Variants in HYCC2 observed in about 807,000 individuals in gnomAD.
HYCC2 encodes hyccin 2.
At chr2:201,022,507 A>G in the HYCC2 span, 4 of 232,432 alleles carry the variant, frequency 1.7e-5, no homozygotes, top group Non-Finnish European at 3.4e-5. Context: ...ATCAGTATAC[A>G]GTTAAAATAT....
chr2:201,069,543 AACACACACACACACACAC>A, the HYCC2 span, among the ~76,000 whole-genome samples: 467 of 143,736 alleles, frequency 3.2e-3, 3 homozygotes, highest in East Asian at 0.043. Flanking sequence ...CATAAGAAGA[AACACACACACACACACAC>A]ACACACACAC....
chr2:201,049,203 T>C, the HYCC2 span, among the ~76,000 whole-genome samples: 1 of 150,762 alleles, frequency 6.6e-6, no homozygotes, highest in African/African-American at 2.4e-5. Context: ...GCCATAATAA[T>C]AGTTGGAGAC....
At chr2:200,999,455 G>C in the HYCC2 span, among the ~76,000 whole-genome samples, 1 of 150,774 alleles carries the variant, frequency 6.6e-6, no homozygotes, top group East Asian at 2.0e-4. Context: ...GCATGATCTC[G>C]GCTCACTGCA....
the HYCC2 span, chr2:200,975,257 T>C: frequency 6.6e-6 from 1 of 152,080 alleles, no homozygotes. Context: ...AGAGGCCTCA[T>C]TCCTTAACAA....
chr2:201,016,484 C>T, the HYCC2 span, among the ~76,000 whole-genome samples: 1 of 152,164 alleles, frequency 6.6e-6, no homozygotes, highest in Non-Finnish European at 1.5e-5. Flanking sequence ...TTTGGCCAAG[C>T]TGCCCAGGCT....
At chr2:200,981,968 T>A in the HYCC2 span, 1 of 1,379,754 alleles carries the variant, frequency 7.2e-7, no homozygotes, top group South Asian at 1.4e-5. The surrounding 1 kb of genome is among the most constrained non-coding windows in gnomAD (Gnocchi z 4.5). Context: ...CAATGTTCGC[T>A]ATAGGTTGTC....
chr2:201,032,824 T>C, the HYCC2 span, among the ~76,000 whole-genome samples: 1 of 152,110 alleles, frequency 6.6e-6, no homozygotes, highest in Non-Finnish European at 1.5e-5. Flanking sequence ...GCCTGGCTAA[T>C]TTTTTATAAT....
chr2:201,037,185 A>AAGAC, the HYCC2 span, among the ~76,000 whole-genome samples: 1 of 152,212 alleles, frequency 6.6e-6, no homozygotes, highest in Non-Finnish European at 1.5e-5. Context: ...TCCAACTTAC[A>AAGAC]AGACATGTGA....
At chr2:201,030,674 G>T in the HYCC2 span, among the ~76,000 whole-genome samples, 1 of 151,666 alleles carries the variant, frequency 6.6e-6, no homozygotes, top group East Asian at 1.9e-4. Flanking sequence ...CGCCTCCTGG[G>T]TTCAAGTGAT....
the HYCC2 span, among the ~76,000 whole-genome samples, chr2:201,016,776 T>G: frequency 2.0e-5 from 3 of 151,934 alleles, no homozygotes; most frequent in Non-Finnish European, 4.4e-5. Context: ...ATTTCTGTAT[T>G]TTTAGTAGAG....
chr2:201,033,798 C>G, the HYCC2 span, among the ~76,000 whole-genome samples: 1 of 152,056 alleles, frequency 6.6e-6, no homozygotes, highest in Non-Finnish European at 1.5e-5. Context: ...CTCGGCCTCT[C>G]AAAGTGCTGA....
the HYCC2 span, among the ~76,000 whole-genome samples, chr2:201,050,936 AAAACAAAC>A: frequency 2.0e-5 from 3 of 152,280 alleles, no homozygotes; most frequent in African/African-American, 4.8e-5. Flanking sequence ...ACTCCGTCTC[AAAACAAAC>A]AAACAAACAA....
chr2:200,981,318 C>T, the HYCC2 span: 1 of 1,614,068 alleles, frequency 6.2e-7, no homozygotes, highest in Non-Finnish European at 8.5e-7. This position sits in a 1 kb window ranked among gnomAD's most constrained non-coding sequence, Gnocchi z 4.5. Context: ...ATCGAGACTG[C>T]TTGGTCAAGG....
chr2:200,992,372 T>C, the HYCC2 span: 2 of 1,570,200 alleles, frequency 1.3e-6, no homozygotes, highest in African/African-American at 1.3e-5. Context: ...ATTATACCTA[T>C]GAAGAAGCAG....
At chr2:200,990,896 C>T in the HYCC2 span, among the ~76,000 whole-genome samples, 8 of 150,598 alleles carry the variant, frequency 5.3e-5, no homozygotes, top group Non-Finnish European at 7.4e-5. Context: ...TTTGTAGAGA[C>T]GGGGTTTTGC....
chr2:201,006,904 T>C, the HYCC2 span, among the ~76,000 whole-genome samples: 2 of 152,376 alleles, frequency 1.3e-5, no homozygotes, highest in East Asian at 3.9e-4. Flanking sequence ...AATCATTAAC[T>C]AATTTCTATG....
chr2:201,042,091 G>C, the HYCC2 span, among the ~76,000 whole-genome samples: 1 of 152,106 alleles, frequency 6.6e-6, no homozygotes, highest in African/African-American at 2.4e-5. Flanking sequence ...CAAGTGCCTG[G>C]GATTGCAGGC....
At chr2:200,997,197 G>A in the HYCC2 span, 102 of 300,244 alleles carry the variant, frequency 3.4e-4, no homozygotes, top group African/African-American at 2.0e-3. Flanking sequence ...TGAGGGCACA[G>A]TGAGCTATGA....
At chr2:201,009,927 C>G in the HYCC2 span, among the ~76,000 whole-genome samples, 1 of 151,686 alleles carries the variant, frequency 6.6e-6, no homozygotes, top group African/African-American at 2.4e-5. Flanking sequence ...CACAGTGAAA[C>G]CCCATCTGCA....
Sources: gnomAD v4.1 joint callset for allele counts (sites outside exome capture counted in the v4.1 genomes callset) on GRCh38, gnomAD v4.1.1 for gene constraint, Gnocchi (gnomAD v3.1) non-coding constraint, MANE v1.5 for transcripts, NCBI Gene and HGNC (gene_info 2026-07-23, HGNC 2026-07-21) for gene names.